RELT: variants seen among roughly 807,000 people sequenced by gnomAD.
The protein encoded by RELT is RELT TNF receptor.
Under a neutral mutation model 51.1 loss-of-function variants are expected in RELT, and 37 were observed. The observed-to-expected ratio is 0.72, with a 90% CI of 0.56 to 0.95. The LOEUF (loss-of-function observed/expected upper bound fraction) is 0.95, where lower values mean the gene tolerates loss of function less well. Ranked by LOEUF, RELT falls within the 40% of genes least tolerant of loss-of-function variation. The probability of loss-of-function intolerance (pLI) is 0.00; values close to 1 mark genes in which losing one functional copy is unlikely to be tolerated. For synonymous variants in RELT, 241 were observed against 235.7 expected, an observed-to-expected ratio of 1.02 and a Z score of -0.21; for missense variants, 535 against 572.6, an observed-to-expected ratio of 0.93 and a Z score of 0.67.
chr11:73,394,108 G>C lies in RELT; in HGVS notation c.707-128G>C. On this transcript the variant is annotated intron_variant, in intron 7 of 10. Coordinates refer to ENST00000064780, the MANE Select transcript of RELT (RefSeq NM_152222.2). The surrounding 1 kb of genome is among the most constrained non-coding windows in gnomAD (Gnocchi z 4.9). ...CCCATTCTTGCCTGATGAAGTGGGAGGAAAAGGCGCACAGCCCAGGCTGGG... is the reference window on the plus strand; with the variant it reads ...CCCATTCTTGCCTGATGAAGTGGGACGAAAAGGCGCACAGCCCAGGCTGGG... The C allele has an allele frequency of 9.8e-7, 1 of 1,016,992 alleles. No individual in the cohort carries two copies. Among genetic ancestry groups the C allele is most frequent in the Non-Finnish European group, 1.5e-6 (1 of 674,526 alleles). The allele number at this position is 1,016,992 out of a possible 1,614,324, so 63.0% of individuals were successfully genotyped here. A position where few individuals can be genotyped will look rare whatever the true frequency, so the allele number is the denominator to read the frequency against.
In RELT at chr11:73,388,679, G is replaced by C. The variant is rs568983654; in HGVS notation, c.-25-433G>C. Among the ~76,000 whole-genome samples the C allele has an allele frequency of 1.2e-4, 19 of 152,296 alleles. No individual in the cohort carries two copies. Among genetic ancestry groups the C allele is most frequent in the Non-Finnish European group, 2.2e-4 (15 of 68,008 alleles). On this transcript the variant is annotated intron_variant, in intron 1 of 10. Coordinates refer to ENST00000064780, the MANE Select transcript of RELT (RefSeq NM_152222.2). The surrounding 1 kb of genome is among the most constrained non-coding windows in gnomAD (Gnocchi z 4.1). ...GCTTGCAGACCTGTGAGGAGGAGGC[G>C]GGGGGAGCCTGAGCCTGGAGCGCTG...
At chr11:73,382,931 G>A (rs1424354000) in intron 1 of RELT, among the ~76,000 whole-genome samples, 1 of 152,234 alleles carries the variant, frequency 6.6e-6, no homozygotes, top group Non-Finnish European at 1.5e-5. Context: ...TGGGCCAGGT[G>A]TGGCCACCTC....
intron 2 of RELT, 25 bp from the exon 3 acceptor site, chr11:73,390,526 C>CT (rs1284610409): frequency 6.2e-7 from 1 of 1,611,464 alleles, no homozygotes; most frequent in Non-Finnish European, 8.5e-7. Flanking sequence ...CTTTCTGCCT[C>CT]TTTCAATGCC....
In RELT at chr11:73,395,429, A is replaced by C. The variant is rs777270732; in HGVS notation, c.1246-15A>C. ...GCCCCTGACTCAGCTCTGACCCCTCACCCCTGCCCACCAGGAGAACCGCTA... is the reference window on the plus strand; with the variant it reads ...GCCCCTGACTCAGCTCTGACCCCTCCCCCCTGCCCACCAGGAGAACCGCTA... On this transcript the variant is annotated splice_polypyrimidine_tract_variant and intron_variant, in intron 10 of 10. Transcript: ENST00000064780. The C allele has an allele frequency of 2.2e-6, 2 of 916,976 alleles. No homozygotes were observed. The highest frequency in any genetic ancestry group is 3.3e-5 in the African/African-American group (2 of 61,492). The allele number at this position is 916,976 out of a possible 1,614,324, so 56.8% of individuals were successfully genotyped here.
intron 5 of RELT, among the ~76,000 whole-genome samples, 166 bp downstream of exon 5, chr11:73,391,389 C>G (rs946074487): frequency 6.6e-6 from 1 of 152,194 alleles, no homozygotes; most frequent in Non-Finnish European, 1.5e-5. Context: ...CACAGTCAGC[C>G]GCTCCCCTGG....
chr11:73,389,523 C>T (rs535587596), intron 2 of RELT, among the ~76,000 whole-genome samples: 1 of 152,316 alleles, frequency 6.6e-6, no homozygotes, highest in Non-Finnish European at 1.5e-5. Context: ...GGATTTGGAC[C>T]CTGAGAGCCA....
At position 73,394,451 on chromosome 11, in the gene RELT, G is replaced by A. The variant is rs778053581; in HGVS notation, c.789-26G>A. The stretch of plus-strand genomic sequence containing the variant: ...TCTCCTGCCCCTGGCCTGGCCTATG[G>A]CCACTTCTGCCTGTGCCCCCTGCAG... On this transcript the variant is annotated intron_variant, in intron 8 of 10. Coordinates refer to ENST00000064780, the MANE Select transcript of RELT (RefSeq NM_152222.2). This position sits in a 1 kb window ranked among gnomAD's most constrained non-coding sequence, Gnocchi z 4.9. The A allele has an allele frequency of 9.9e-6, 16 of 1,609,094 alleles. No homozygotes were observed. The Admixed American group carries it at 2.3e-4, about 23-fold the overall frequency.
In RELT at chr11:73,396,870, C is replaced by A. The variant is rs1443950570; in HGVS notation, c.*1379C>A. On this transcript the variant is annotated 3_prime_UTR_variant, in exon 11 of 11. Coordinates refer to ENST00000064780, the MANE Select transcript of RELT (RefSeq NM_152222.2). ...GCTGTCCCACAGAAATAGTGTGAGC[C>A]ACATATGTGACTTTAAATTTTCTGA... 1.3e-5 allele frequency: 2 copies of A among 152,158 alleles called. No homozygotes were observed. The highest frequency in any genetic ancestry group is 2.4e-5 in the African/African-American group (1 of 41,416). 9.4% of individuals were successfully genotyped at this position (152,158 alleles called of 1,614,324 possible).
intron 7 of RELT, 70 bp downstream of exon 7, chr11:73,393,987 G>A (rs1866263577): frequency 1.4e-6 from 2 of 1,445,726 alleles, no homozygotes; most frequent in Admixed American, 1.7e-5. Flanking sequence ...CTGTGAGGCA[G>A]CCGCGGTGGG....
rs1866293603 is a variant in RELT, at chr11:73,395,162, G to T, written c.1122G>T (p.Gly374=). The T allele has an allele frequency of 6.2e-7, 1 of 1,613,520 alleles. No individual in the cohort carries two copies. The highest frequency in any genetic ancestry group is 8.5e-7 in the Non-Finnish European group (1 of 1,180,010). ...AGGTGAAGACCATCACGGAGGCTGG[G>T]CCCTCGTGGGGTGATCTCCCTGACT... The part of the protein sequence containing the change: ...VSEVKTITEA[G]PSWGDLPDSP... Residue 374 remains glycine, a synonymous_variant, in exon 10 of 11, where the codon GGG becomes GGT. Transcript: ENST00000064780.
At position 73,396,763 on chromosome 11, in the gene RELT, AC is replaced by A. The variant is rs1866325718; in HGVS notation, c.*1274del. ...GCTGCCCTCCCCTCACAGTTCCTGC[AC>A]CTCAGCAGCCAGGGAAGCAGGGCCC... On this transcript the variant is annotated 3_prime_UTR_variant, in exon 11 of 11. Transcript: ENST00000064780. The A allele has an allele frequency of 6.6e-6, 1 of 152,200 alleles. No homozygotes were observed. The highest frequency in any genetic ancestry group is 2.1e-4 in the South Asian group (1 of 4,830). The allele number at this position is 152,200 out of a possible 1,614,324, so 9.4% of individuals were successfully genotyped here. A position where few individuals can be genotyped will look rare whatever the true frequency, so the allele number is the denominator to read the frequency against.
chr11:73,392,647 GT>G (rs1866237733), intron 6 of RELT, 179 bp downstream of exon 6: 51 of 1,418,418 alleles, frequency 3.6e-5, no homozygotes, highest in Non-Finnish European at 4.7e-5. Context: ...AGGTGTGGCC[GT>G]GGGGGCAGAG....
intron 1 of RELT, among the ~76,000 whole-genome samples, chr11:73,380,854 T>C (rs1001886293): frequency 6.6e-6 from 1 of 152,180 alleles, no homozygotes; most frequent in Admixed American, 6.5e-5. Flanking sequence ...AGCAGGGATG[T>C]GGTCTCTGGA....
chr11:73,384,936 C>T (rs984729775), intron 1 of RELT, among the ~76,000 whole-genome samples: 1 of 151,828 alleles, frequency 6.6e-6, no homozygotes, highest in African/African-American at 2.4e-5. Flanking sequence ...GGGTGCTGGC[C>T]AAGCGATGAG....
chr11:73,387,849 C>T (rs768719228), intron 1 of RELT, among the ~76,000 whole-genome samples: 17 of 152,304 alleles, frequency 1.1e-4, no homozygotes, highest in Admixed American at 5.2e-4. Flanking sequence ...GGAGTCACAG[C>T]GGGGGCCTCA....
chr11:73,386,251 T>C (rs1183995796), intron 1 of RELT, among the ~76,000 whole-genome samples: 1 of 152,138 alleles, frequency 6.6e-6, no homozygotes, highest in Non-Finnish European at 1.5e-5. Flanking sequence ...CCCCATCCAG[T>C]GTGGCTGGGT....
rs1866265527 is a variant in RELT, at chr11:73,394,089, C to G, written c.707-147C>G. ...GGAGTGCACACCTCTGCCTCCCATTCTTGCCTGATGAAGTGGGAGGAAAAG... is the reference window on the plus strand; with the variant it reads ...GGAGTGCACACCTCTGCCTCCCATTGTTGCCTGATGAAGTGGGAGGAAAAG... On this transcript the variant is annotated intron_variant, in intron 7 of 10. Transcript: ENST00000064780. This position sits in a 1 kb window ranked among gnomAD's most constrained non-coding sequence, Gnocchi z 4.9. The G allele has an allele frequency of 8.3e-6, 8 of 959,436 alleles. No individual in the cohort carries two copies. The highest frequency in any genetic ancestry group is 1.3e-5 in the Non-Finnish European group (8 of 622,082). The allele number at this position is 959,436 out of a possible 1,614,324, so 59.4% of individuals were successfully genotyped here. A position where few individuals can be genotyped will look rare whatever the true frequency, so the allele number is the denominator to read the frequency against.
At position 73,392,225 on chromosome 11, in the gene RELT, G is replaced by A. The variant is rs1565222992; in HGVS notation, c.382G>A (p.Ala128Thr). ...THGCDEWGRR[A>T]RRGVEVAAGA... Reference sequence around the variant, plus strand: ...GTGATGCTCAGAGTGGGGGCGGCGGGCCCGACGTGGCGTGGAGGTGGCAGC... The same window carrying A: ...GTGATGCTCAGAGTGGGGGCGGCGGACCCGACGTGGCGTGGAGGTGGCAGC... The change falls in exon 6 of 11, where the codon GCC (alanine) becomes ACC (threonine). Residue 128 changes from alanine (A) to threonine (T), a missense_variant. Ala to Thr is a moderately conservative substitution (Grantham distance 58). Transcript: ENST00000064780. The A allele has an allele frequency of 1.2e-6, 2 of 1,611,260 alleles. No individual in the cohort carries two copies. Among genetic ancestry groups the A allele is most frequent in the East Asian group, 2.2e-5 (1 of 44,788 alleles).
rs1866243238 is a variant in RELT, at chr11:73,392,973, A to C, written c.625+505A>C. On this transcript the variant is annotated intron_variant, in intron 6 of 10. Transcript: ENST00000064780. ...GGGACAGGCATGCGCCACCACCTTCACCCCCAGGGCCCCGGGCCCCTTTCC... is the reference window on the plus strand; with the variant it reads ...GGGACAGGCATGCGCCACCACCTTCCCCCCCAGGGCCCCGGGCCCCTTTCC... 3 of 996,290 alleles carry C rather than the reference A, an allele frequency of 3.0e-6. No homozygotes were observed. In the South Asian group the frequency reaches 1.3e-4, roughly 44 times the overall value. 61.7% of individuals were successfully genotyped at this position (996,290 alleles called of 1,614,324 possible).
Sources: gnomAD v4.1 joint callset for allele counts (sites outside exome capture counted in the v4.1 genomes callset) on GRCh38, gnomAD v4.1.1 for gene constraint, Gnocchi (gnomAD v3.1) non-coding constraint, MANE v1.5 for transcripts, NCBI Gene and HGNC (gene_info 2026-07-23, HGNC 2026-07-21) for gene names.